Variants in TLK1 observed in about 807,000 individuals in gnomAD.
TLK1 encodes the protein serine/threonine-protein kinase tousled-like 1.
TLK1 carries 24 observed loss-of-function variants against 105.3 expected under a neutral mutation model. The observed-to-expected ratio is 0.23, with a 90% CI of 0.17 to 0.32. The LOEUF (loss-of-function observed/expected upper bound fraction) is 0.32, where lower values mean the gene tolerates loss of function less well. Among genes scored for constraint, TLK1 ranks in the 10% least tolerant of loss-of-function variants. The pLI is 1.00. For missense variants in TLK1, 558 were observed against 910.5 expected, an observed-to-expected ratio of 0.61 and a Z score of 4.98; for synonymous variants, 321 against 310.4, an observed-to-expected ratio of 1.03 and a Z score of -0.36.
chr2:171,086,258 G>GA (rs551278980), intron 2 of TLK1, among the ~76,000 whole-genome samples: 1 of 151,762 alleles, frequency 6.6e-6, no homozygotes, highest in Non-Finnish European at 1.5e-5. Flanking sequence ...ATAAATCCTG[G>GA]AAAAAAAGGA....
intron 12 of TLK1, among the ~76,000 whole-genome samples, chr2:171,015,702 TACACAC>T (rs1007413316): frequency 5.1e-4 from 3 of 5,834 alleles, no homozygotes; most frequent in African/African-American, 7.5e-4. Flanking sequence ...CACACACATA[TACACAC>T]ACACACACAC....
intron 1 of TLK1, among the ~76,000 whole-genome samples, chr2:171,213,030 T>G (rs1434056797): frequency 6.6e-6 from 1 of 152,138 alleles, no homozygotes; most frequent in Non-Finnish European, 1.5e-5. Context: ...GACATTACTT[T>G]GTAAAATTGT....
chr2:171,021,743 G>A (rs1357680887), intron 12 of TLK1, among the ~76,000 whole-genome samples: 8 of 152,182 alleles, frequency 5.3e-5, no homozygotes, highest in South Asian at 4.2e-4. Context: ...TGGCTAACAT[G>A]ACTTCTAAGA....
intron 1 of TLK1, among the ~76,000 whole-genome samples, chr2:171,157,835 CTTT>C (rs1360206771): frequency 6.6e-6 from 1 of 152,170 alleles, no homozygotes; most frequent in East Asian, 1.9e-4. Context: ...ATGTGTATCT[CTTT>C]TAAGTTTCAA....
At chr2:171,206,446 G>T (rs1693508524) in intron 1 of TLK1, among the ~76,000 whole-genome samples, 1 of 152,154 alleles carries the variant, frequency 6.6e-6, no homozygotes, top group Non-Finnish European at 1.5e-5. Flanking sequence ...TTAGCCAAAT[G>T]TTCTAAAGAG....
At chr2:171,191,646 G>C (rs1693157343) in intron 1 of TLK1, among the ~76,000 whole-genome samples, 1 of 152,178 alleles carries the variant, frequency 6.6e-6, no homozygotes, top group Admixed American at 6.5e-5. Context: ...TTGGGAGGAA[G>C]CAAAGGGAAA....
intron 2 of TLK1, among the ~76,000 whole-genome samples, chr2:171,086,620 C>T (rs1171066120): frequency 4.9e-5 from 7 of 142,106 alleles, no homozygotes; most frequent in South Asian, 2.2e-4. Context: ...AGCAAGACTC[C>T]GTCTCAAAAA....
chr2:171,109,617 T>C (rs1360298830), intron 2 of TLK1, among the ~76,000 whole-genome samples: 1 of 152,166 alleles, frequency 6.6e-6, no homozygotes, highest in East Asian at 1.9e-4. Flanking sequence ...TCTTACCAAG[T>C]AAAATATACA....
intron 1 of TLK1, among the ~76,000 whole-genome samples, chr2:171,128,499 A>G (rs1380959997): frequency 6.6e-6 from 1 of 152,218 alleles, no homozygotes; most frequent in Non-Finnish European, 1.5e-5. Flanking sequence ...AAATGTGAAC[A>G]TATATGTATG....
intron 1 of TLK1, among the ~76,000 whole-genome samples, chr2:171,166,165 A>T (rs1207981887): frequency 6.6e-6 from 1 of 152,228 alleles, no homozygotes; most frequent in African/African-American, 2.4e-5. Flanking sequence ...TTAAGCATTC[A>T]CCAGCACACC....
intron 18 of TLK1, 23 bp downstream of exon 18, chr2:171,006,124 G>T (rs1451184666): frequency 6.5e-7 from 1 of 1,530,298 alleles, no homozygotes; most frequent in Non-Finnish European, 8.7e-7. Flanking sequence ...TAGACATTCT[G>T]ATGTTTTTAG....
chr2:171,135,317 G>GTATA (rs1445251221), intron 1 of TLK1, among the ~76,000 whole-genome samples: 34 of 53,404 alleles, frequency 6.4e-4, no homozygotes, highest in African/African-American at 5.7e-3. Flanking sequence ...GTGTGTGTGT[G>GTATA]TGTATATATA....
chr2:171,016,404 G>C (rs1685216117), intron 12 of TLK1, among the ~76,000 whole-genome samples: 1 of 152,136 alleles, frequency 6.6e-6, no homozygotes, highest in African/African-American at 2.4e-5. Context: ...AAAGTGTTGG[G>C]ATTATAGGTG....
chr2:171,067,067 C>A, intron 3 of TLK1: 1 of 1,263,744 alleles, frequency 7.9e-7, no homozygotes, highest in Non-Finnish European at 1.1e-6. Context: ...TACAAACATT[C>A]CTTTGAACAC....
At chr2:171,095,490 T>A (rs890972058) in intron 2 of TLK1, among the ~76,000 whole-genome samples, 1 of 152,158 alleles carries the variant, frequency 6.6e-6, no homozygotes, top group African/African-American at 2.4e-5. Flanking sequence ...AAAAGTTTTA[T>A]GCCAACAAAT....
In TLK1 at chr2:171,039,879, T is replaced by A. The variant is rs1279200908; in HGVS notation, c.1169+6295A>T. ...CTACCAACAGACCCCTTTGTAATTT[T>A]CCTTTACAAAGGAAAATTTGTAAAG... is the stretch of plus-strand genomic sequence containing the variant. On this transcript the variant is annotated intron_variant, in intron 11 of 20. Transcript: ENST00000431350. Among the ~76,000 whole-genome samples the A allele has an allele frequency of 3.3e-5, 5 of 152,268 alleles. 1 individual carries two copies. The highest frequency in any genetic ancestry group is 2.0e-4 in the Admixed American group (3 of 15,298).
intron 13 of TLK1, among the ~76,000 whole-genome samples, chr2:171,012,971 C>T (rs1387248377): frequency 6.6e-6 from 1 of 151,504 alleles, no homozygotes; most frequent in Non-Finnish European, 1.5e-5. Context: ...ATTTTCGGAA[C>T]AGTTAGTCTT....
chr2:171,010,140 G>A (rs1020838571), intron 14 of TLK1, among the ~76,000 whole-genome samples: 1 of 152,186 alleles, frequency 6.6e-6, no homozygotes, highest in South Asian at 2.1e-4. Context: ...CTTGAGCTAA[G>A]AGACAGAAGG....
At position 170,993,182 on chromosome 2, in the gene TLK1, T is replaced by C. The variant is rs543119421; in HGVS notation, c.*598A>G. The stretch of plus-strand genomic sequence containing the variant: ...GGACATGTGATCTCGAGGTACAACT[T>C]GGTAAAAGTCTGAATAGGCAAATGA... On this transcript the variant is annotated 3_prime_UTR_variant, in exon 21 of 21. Transcript: ENST00000431350. 1 of 152,732 alleles carries C rather than the reference T, an allele frequency of 6.5e-6. No individual in the cohort carries two copies. The highest frequency in any genetic ancestry group is 1.9e-4 in the East Asian group (1 of 5,186). 9.5% of individuals were successfully genotyped at this position (152,732 alleles called of 1,614,324 possible).
Sources: gnomAD v4.1 joint callset for allele counts (sites outside exome capture counted in the v4.1 genomes callset) on GRCh38, gnomAD v4.1.1 for gene constraint, MANE v1.5 for transcripts, NCBI Gene and HGNC (gene_info 2026-07-23, HGNC 2026-07-21) for gene names.